LSAMP: variants seen among roughly 807,000 people sequenced by gnomAD.
LSAMP encodes limbic system-associated membrane protein.
LSAMP carries 7 observed loss-of-function variants against 38.6 expected under a neutral mutation model. The observed-to-expected ratio is 0.18, with a 90% CI of 0.10 to 0.34. LSAMP has a LOEUF of 0.34. LSAMP is among the 10% of genes least tolerant of loss of function. The pLI, the probability that LSAMP is intolerant of heterozygous loss-of-function variation, is 1.00. For missense variants in LSAMP, 313 were observed against 420.0 expected, an observed-to-expected ratio of 0.75 and a Z score of 2.23; for synonymous variants, 154 against 166.8, an observed-to-expected ratio of 0.92 and a Z score of 0.59.
intron 2 of LSAMP, among the ~76,000 whole-genome samples, chr3:116,026,939 C>G (rs1456063834): frequency 6.6e-6 from 1 of 152,200 alleles, no homozygotes; most frequent in Non-Finnish European, 1.5e-5. Flanking sequence ...ACATACTCAG[C>G]TGAGCCTCTT....
intron 2 of LSAMP, among the ~76,000 whole-genome samples, chr3:116,032,207 A>G (rs1309798019): frequency 6.6e-6 from 1 of 152,190 alleles, no homozygotes; most frequent in Admixed American, 6.5e-5. Flanking sequence ...GAAAAGTGAG[A>G]AGAAATAATA....
chr3:116,312,768 T>C (rs1359656615), intron 1 of LSAMP, among the ~76,000 whole-genome samples: 1 of 152,180 alleles, frequency 6.6e-6, no homozygotes, highest in African/African-American at 2.4e-5. Context: ...CAATGATGTA[T>C]GCAATGAAAA....
At chr3:115,826,690 T>G (rs987784085) in intron 6 of LSAMP, among the ~76,000 whole-genome samples, 6 of 152,336 alleles carry the variant, frequency 3.9e-5, no homozygotes, top group Non-Finnish European at 7.3e-5. Flanking sequence ...CGTCAAGATA[T>G]TGTGCATGTC....
chr3:116,091,936 T>C (rs997985308), intron 1 of LSAMP, among the ~76,000 whole-genome samples: 1 of 152,168 alleles, frequency 6.6e-6, no homozygotes, highest in African/African-American at 2.4e-5. Context: ...TCTTCTCTCG[T>C]CAGTGTAACC....
chr3:116,122,580 T>C (rs1026869696), intron 1 of LSAMP, among the ~76,000 whole-genome samples: 6 of 152,232 alleles, frequency 3.9e-5, no homozygotes, highest in African/African-American at 1.4e-4. Flanking sequence ...CTACAAGTAA[T>C]CTCTATGAGT....
chr3:115,958,862 G>A (rs952788048), intron 3 of LSAMP, among the ~76,000 whole-genome samples: 4 of 152,180 alleles, frequency 2.6e-5, no homozygotes, highest in Admixed American at 1.3e-4. Flanking sequence ...CCTTGAATGA[G>A]ATCTGTTTCT....
At chr3:116,163,149 T>C (rs1709940358) in intron 1 of LSAMP, among the ~76,000 whole-genome samples, 1 of 151,578 alleles carries the variant, frequency 6.6e-6, no homozygotes, top group Non-Finnish European at 1.5e-5. Context: ...TATGTATACA[T>C]GTGCCATGTT....
chr3:116,292,183 T>C (rs1483493911), intron 1 of LSAMP, among the ~76,000 whole-genome samples: 1 of 152,192 alleles, frequency 6.6e-6, no homozygotes, highest in African/African-American at 2.4e-5. Context: ...TATAATTAAA[T>C]ACAAGTAGGA....
chr3:115,815,995 C>T (rs1170395039), intron 6 of LSAMP, among the ~76,000 whole-genome samples: 1 of 152,090 alleles, frequency 6.6e-6, no homozygotes, highest in Admixed American at 6.6e-5. Context: ...TGAGAGTGAT[C>T]TTGGTTGTCT....
chr3:116,381,107 C>A (rs2048552249), intron 1 of LSAMP, among the ~76,000 whole-genome samples: 2 of 152,086 alleles, frequency 1.3e-5, no homozygotes, highest in African/African-American at 4.8e-5. Context: ...TTGTTTGTTA[C>A]TCCATTTTGG....
intron 1 of LSAMP, among the ~76,000 whole-genome samples, chr3:116,275,238 G>C (rs2047033262): frequency 6.6e-6 from 1 of 151,852 alleles, no homozygotes; most frequent in African/African-American, 2.4e-5. Context: ...AAAATTGATA[G>C]AGACAGGTCT....
intron 1 of LSAMP, among the ~76,000 whole-genome samples, chr3:116,150,549 T>A (rs940898378): frequency 6.6e-6 from 1 of 152,108 alleles, no homozygotes. Context: ...GATGTTTCTA[T>A]TATCAATAAT....
At chr3:116,123,758 C>T (rs983874955) in intron 1 of LSAMP, among the ~76,000 whole-genome samples, 4 of 152,182 alleles carry the variant, frequency 2.6e-5, no homozygotes, top group African/African-American at 9.7e-5. Context: ...CAGACTTATA[C>T]AACCCATCTT....
At chr3:116,366,035 A>AAAAAAAAG (rs1273569949) in intron 1 of LSAMP, among the ~76,000 whole-genome samples, 1 of 144,720 alleles carries the variant, frequency 6.9e-6, no homozygotes, top group Non-Finnish European at 1.5e-5. Flanking sequence ...AAAAAAAAAA[A>AAAAAAAAG]AAAAGAACTT....
At chr3:115,845,688 A>G (rs1457619260) in intron 4 of LSAMP, among the ~76,000 whole-genome samples, 1 of 152,200 alleles carries the variant, frequency 6.6e-6, no homozygotes, top group South Asian at 2.1e-4. Flanking sequence ...AGTCGGCCAC[A>G]CTAAGCTACT....
At chr3:116,241,638 T>C (rs1458767871) in intron 1 of LSAMP, among the ~76,000 whole-genome samples, 2 of 152,200 alleles carry the variant, frequency 1.3e-5, no homozygotes, top group Non-Finnish European at 2.9e-5. Context: ...TATTATAAAC[T>C]TCTGCCCATC....
chr3:116,019,196 CAGAT>C lies in LSAMP; in HGVS notation c.514+315_514+318del, dbSNP rs1025951331. 4.1e-5 allele frequency among the ~76,000 whole-genome samples: 6 copies of C among 146,552 alleles called. No homozygotes were observed. In the East Asian group the frequency reaches 1.3e-3, roughly 31 times the overall value. On this transcript the variant is annotated intron_variant, in intron 3 of 6. Transcript: ENST00000490035. Reference sequence around the variant, plus strand: ...CTGTTCTATTGAAACTGAAATTTTACAGATAGATAGATCTCTTGATAGATAGATA... The same window carrying C: ...CTGTTCTATTGAAACTGAAATTTTACAGATAGATCTCTTGATAGATAGATA...
intron 2 of LSAMP, among the ~76,000 whole-genome samples, chr3:116,075,563 A>G (rs1222841709): frequency 7.2e-6 from 1 of 137,992 alleles, no homozygotes; most frequent in Non-Finnish European, 1.6e-5. Flanking sequence ...TTTTTTTTAG[A>G]TGGAGTCTCG....
rs529629845 is a variant in LSAMP, at chr3:116,366,129, A to G, written c.155+78748T>C. ...ATTTTTGCAGTCTATCCATCTCACA[A>G]AAGTCTAATATCCAGAGTCTATAAG... On this transcript the variant is annotated intron_variant, in intron 1 of 6. Coordinates refer to ENST00000490035, the MANE Select transcript of LSAMP (RefSeq NM_002338.5). 6.6e-5 allele frequency among the ~76,000 whole-genome samples: 10 copies of G among 151,832 alleles called. No individual in the cohort carries two copies. In the South Asian group the frequency reaches 1.9e-3, roughly 28 times the overall value.
Sources: gnomAD v4.1 joint callset for allele counts (sites outside exome capture counted in the v4.1 genomes callset) on GRCh38, gnomAD v4.1.1 for gene constraint, MANE v1.5 for transcripts, NCBI Gene and HGNC (gene_info 2026-07-23, HGNC 2026-07-21) for gene names.